Variants in RAB27B observed in about 807,000 individuals in gnomAD.
RAB27B encodes ras-related protein Rab-27B.
Under a neutral mutation model 24.6 loss-of-function variants are expected in RAB27B, and 15 were observed. The observed-to-expected ratio is 0.61, with a 90% CI of 0.41 to 0.94. The LOEUF is 0.94. Among genes scored for constraint, RAB27B ranks in the 40% least tolerant of loss-of-function variants. The probability of loss-of-function intolerance (pLI) is 0.00; values close to 1 mark genes in which losing one functional copy is unlikely to be tolerated. For missense variants in RAB27B, 261 were observed against 266.8 expected, an observed-to-expected ratio of 0.98 and a Z score of 0.15; for synonymous variants, 105 against 92.5, an observed-to-expected ratio of 1.14 and a Z score of -0.78.
At chr18:54,884,788 C>T (rs1913066068) in intron 4 of RAB27B, among the ~76,000 whole-genome samples, 1 of 152,250 alleles carries the variant, frequency 6.6e-6, no homozygotes, top group South Asian at 2.1e-4. Flanking sequence ...TGAGCTACTA[C>T]ATTTGACCTG....
In RAB27B at chr18:54,877,576, G is replaced by A; in HGVS notation, c.-10G>A. 6.5e-7 allele frequency: 1 copy of A among 1,529,632 alleles called. No homozygotes were observed. The highest frequency in any genetic ancestry group is 8.7e-7 in the Non-Finnish European group (1 of 1,148,906). The allele number at this position is 1,529,632 out of a possible 1,614,324, so 94.8% of individuals were successfully genotyped here. A position where few individuals can be genotyped will look rare whatever the true frequency, so the allele number is the denominator to read the frequency against. Reference sequence around the variant, plus strand: ...TCCCTCTCCTATACAGACCGACCAAGACCATCACTATGACCGATGGAGACT... The same window carrying A: ...TCCCTCTCCTATACAGACCGACCAAAACCATCACTATGACCGATGGAGACT... On this transcript the variant is annotated 5_prime_UTR_variant, in exon 2 of 6. Transcript: ENST00000262094.
At chr18:54,823,568 G>A (rs1910378532), upstream of RAB27B, among the ~76,000 whole-genome samples, 2 of 152,136 alleles carry the variant, frequency 1.3e-5, no homozygotes, top group South Asian at 4.1e-4. Flanking sequence ...TTTTCTCTTA[G>A]AACCCACCTT....
chr18:54,833,290 G>A (rs571065397), intron 1 of RAB27B, among the ~76,000 whole-genome samples: 76 of 144,682 alleles, frequency 5.3e-4, no homozygotes, highest in African/African-American at 1.9e-3. Flanking sequence ...GCAATGGCAC[G>A]ATCTCAGCTC....
chr18:54,851,250 C>T (rs1170856872), intron 1 of RAB27B, among the ~76,000 whole-genome samples: 1 of 152,008 alleles, frequency 6.6e-6, no homozygotes, highest in Non-Finnish European at 1.5e-5. Flanking sequence ...TTTTTAGCTC[C>T]TGTTAGAAAT....
At chr18:54,831,868 CG>C (rs1301011029) in intron 1 of RAB27B, among the ~76,000 whole-genome samples, 1 of 151,944 alleles carries the variant, frequency 6.6e-6, no homozygotes, top group African/African-American at 2.4e-5. Context: ...CTCCACATCC[CG>C]GGTTCAGGTG....
intron 1 of RAB27B, among the ~76,000 whole-genome samples, chr18:54,863,381 G>A (rs944781927): frequency 7.2e-5 from 11 of 152,082 alleles, no homozygotes; most frequent in African/African-American, 2.2e-4. Context: ...GGGTATTATT[G>A]TTTGAATATG....
intron 1 of RAB27B, among the ~76,000 whole-genome samples, chr18:54,875,994 T>A (rs1258326487): frequency 6.6e-6 from 1 of 152,242 alleles, no homozygotes; most frequent in African/African-American, 2.4e-5. Context: ...TATAGAGAAC[T>A]GTCCAAGACT....
At chr18:54,864,135 T>C (rs574907400) in intron 1 of RAB27B, among the ~76,000 whole-genome samples, 2 of 150,822 alleles carry the variant, frequency 1.3e-5, no homozygotes, top group South Asian at 4.2e-4. Context: ...ACCAGCAATA[T>C]AGGAGGGTTG....
intron 2 of RAB27B, among the ~76,000 whole-genome samples, chr18:54,823,224 T>C (rs75341207): frequency 0.057 from 8,663 of 152,318 alleles, 363 homozygotes; most frequent in Middle Eastern, 0.13. Flanking sequence ...AGTCCAGTCT[T>C]ATGACTTGTT....
chr18:54,764,902 G>T (rs7233121), intron 2 of RAB27B, among the ~76,000 whole-genome samples: 151,744 of 152,274 alleles, frequency 1, 75,613 homozygotes, highest in Middle Eastern at 1. Context: ...ATCAGAAATG[G>T]TTTTGAAAAA....
intron 2 of RAB27B, among the ~76,000 whole-genome samples, chr18:54,787,728 T>TAA (rs1263474028): frequency 1.3e-4 from 18 of 140,900 alleles, no homozygotes; most frequent in African/African-American, 2.6e-4. Context: ...CTGACTGGAT[T>TAA]AAAAAAAAAA....
intron 1 of RAB27B, among the ~76,000 whole-genome samples, chr18:54,870,147 T>C (rs374126719): frequency 6.6e-6 from 1 of 152,176 alleles, no homozygotes; most frequent in Non-Finnish European, 1.5e-5. Context: ...AACCACAGAT[T>C]GTTTCAAAAA....
chr18:54,717,971 A>G (rs1030531594), intron 1 of RAB27B: 1 of 152,220 alleles, frequency 6.6e-6, no homozygotes, highest in Non-Finnish European at 1.5e-5. Flanking sequence ...GGCTTTGAAT[A>G]CTGTCACGTG....
chr18:54,790,438 G>A (rs2145109807), intron 2 of RAB27B, among the ~76,000 whole-genome samples: 1 of 152,174 alleles, frequency 6.6e-6, no homozygotes, highest in Non-Finnish European at 1.5e-5. Flanking sequence ...CATTTTGAAG[G>A]TTGACTACAT....
chr18:54,760,945 G>C (rs946938367), intron 2 of RAB27B, among the ~76,000 whole-genome samples: 1 of 150,962 alleles, frequency 6.6e-6, no homozygotes, highest in African/African-American at 2.4e-5. Context: ...GATCATTGTT[G>C]AATCAATGGG....
intron 2 of RAB27B, among the ~76,000 whole-genome samples, chr18:54,727,920 G>A (rs756576426): frequency 3.9e-5 from 6 of 152,116 alleles, no homozygotes; most frequent in South Asian, 2.1e-4. Context: ...ACAGCTAGCC[G>A]GATGAGATAA....
intron 1 of RAB27B, among the ~76,000 whole-genome samples, chr18:54,859,035 C>T (rs1002495761): frequency 2.6e-5 from 4 of 152,054 alleles, no homozygotes; most frequent in African/African-American, 9.7e-5. Flanking sequence ...GAAACTAACA[C>T]GTCACTTTTT....
chr18:54,809,154 C>A (rs1007467049), intron 2 of RAB27B, among the ~76,000 whole-genome samples: 1 of 152,152 alleles, frequency 6.6e-6, no homozygotes, highest in Non-Finnish European at 1.5e-5. Flanking sequence ...AACATTGACA[C>A]CCTCCCACCT....
At chr18:54,794,687 G>A (rs1438414812) in intron 2 of RAB27B, among the ~76,000 whole-genome samples, 3 of 152,132 alleles carry the variant, frequency 2.0e-5, no homozygotes, top group Non-Finnish European at 4.4e-5. Context: ...TTTTGAAGAA[G>A]GAGAGACCTG....
Sources: gnomAD v4.1 joint callset for allele counts (sites outside exome capture counted in the v4.1 genomes callset) on GRCh38, gnomAD v4.1.1 for gene constraint, MANE v1.5 for transcripts, NCBI Gene and HGNC (gene_info 2026-07-23, HGNC 2026-07-21) for gene names.